GUCY2F: variants seen among roughly 807,000 people sequenced by gnomAD.
GUCY2F encodes retinal guanylyl cyclase 2.
GUCY2F carries 61 observed loss-of-function variants against 73.1 expected under a neutral mutation model. The ratio of observed to expected loss-of-function variants is 0.83; its 90% CI spans 0.68 to 1.03. The LOEUF (loss-of-function observed/expected upper bound fraction) is 1.03. GUCY2F is among the 50% of genes least tolerant of loss of function. The pLI is 0.00. For synonymous variants in GUCY2F, 331 were observed against 307.8 expected, an observed-to-expected ratio of 1.08 and a Z score of -0.79; for missense variants, 912 against 854.3, an observed-to-expected ratio of 1.07 and a Z score of -0.84.
chrX:109,464,722 G>A (rs769235556), intron 3 of GUCY2F, among the ~76,000 whole-genome samples: 3 of 112,557 alleles, frequency 2.7e-5, no homozygotes, highest in East Asian at 2.8e-4. Flanking sequence ...ACAGGTAGAA[G>A]CCGCATCCTC....
rs1930208824 is a variant in GUCY2F at position 109,377,579 on chromosome X, C to T, written c.3151-1412G>A. 2.7e-5 allele frequency among the ~76,000 whole-genome samples: 3 copies of T among 111,736 alleles called. No homozygotes were observed. The Admixed American group carries it at 2.8e-4, about 11-fold the overall frequency. ...TGTAGTGTCTTATACAGACAGTTGCCCAGTAAATAATCAGACTGTTTCATT... is the reference window on the plus strand; with the variant it reads ...TGTAGTGTCTTATACAGACAGTTGCTCAGTAAATAATCAGACTGTTTCATT... On this transcript the variant is annotated intron_variant, in intron 17 of 19. Coordinates refer to ENST00000218006, the MANE Select transcript of GUCY2F (RefSeq NM_001522.3).
rs1193294657 is a variant in GUCY2F, at chrX:109,398,620, C to T, written c.2204G>A (p.Ser735Asn). 2.5e-6 allele frequency: 3 copies of T among 1,205,485 alleles called. No homozygotes were observed. The highest frequency in any genetic ancestry group is 3.4e-6 in the Non-Finnish European group (3 of 891,219). The change falls in exon 11 of 20, where the codon AGC becomes AAC. Residue 735 changes from serine (S) to asparagine (N), a missense_variant. By Grantham distance (46) the Ser-to-Asn change is conservative (BLOSUM62 1). Transcript: ENST00000218006. Reference protein sequence around the residue: ...RLGSFAGDVYSFAIIMQEVMV... With the variant: ...RLGSFAGDVYNFAIIMQEVMV... ...CACTTCTTGCATGATGATGGCAAAG[C>T]TATAGACATCTCCTGCAAAAGAACC...
chrX:109,466,458 G>C (rs1193720325), intron 2 of GUCY2F, among the ~76,000 whole-genome samples: 1 of 111,660 alleles, frequency 9.0e-6, no homozygotes, highest in African/African-American at 3.3e-5. Flanking sequence ...ATGAAACTAT[G>C]TTGTTTGGCA....
chrX:109,429,887 G>T (rs1931571890), intron 8 of GUCY2F, among the ~76,000 whole-genome samples: 1 of 112,432 alleles, frequency 8.9e-6, no homozygotes, highest in African/African-American at 3.2e-5. Context: ...TTGGAATGGT[G>T]ATGGGATATT....
intron 16 of GUCY2F, among the ~76,000 whole-genome samples, chrX:109,384,097 T>C (rs911538059): frequency 2.7e-5 from 3 of 112,453 alleles, no homozygotes; most frequent in Middle Eastern, 4.2e-3. Flanking sequence ...CCATACTGCC[T>C]CCTTAATCAT....
intron 9 of GUCY2F, among the ~76,000 whole-genome samples, chrX:109,405,664 TAG>T (rs1428822381): frequency 1.8e-5 from 2 of 111,761 alleles, no homozygotes; most frequent in Non-Finnish European, 3.8e-5. Context: ...TACTTCTGAG[TAG>T]AGTCTACAGT....
At chrX:109,437,242 C>T (rs1413594524) in intron 7 of GUCY2F, among the ~76,000 whole-genome samples, 2 of 111,533 alleles carry the variant, frequency 1.8e-5, no homozygotes, top group Admixed American at 1.9e-4. Context: ...TTGACTTCAC[C>T]GTGTAGGTAT....
At chrX:109,412,871 T>C (rs959579981) in intron 8 of GUCY2F, among the ~76,000 whole-genome samples, 1 of 111,697 alleles carries the variant, frequency 9.0e-6, no homozygotes, top group African/African-American at 3.3e-5. Flanking sequence ...CCCACTTCTA[T>C]GGGTGAATGC....
chrX:109,424,151 CT>C (rs1211653675), intron 8 of GUCY2F, among the ~76,000 whole-genome samples: 1 of 111,831 alleles, frequency 8.9e-6, no homozygotes, highest in Admixed American at 9.5e-5. Flanking sequence ...GAACAACTTC[CT>C]TTAAAGCCAT....
At chrX:109,376,711 A>G (rs886449242) in intron 17 of GUCY2F, among the ~76,000 whole-genome samples, 1 of 111,674 alleles carries the variant, frequency 9.0e-6, no homozygotes. Flanking sequence ...GCCTCCATCT[A>G]TAGGTCAGTT....
chrX:109,413,148 C>T (rs1386731376), intron 8 of GUCY2F, among the ~76,000 whole-genome samples: 1 of 112,275 alleles, frequency 8.9e-6, no homozygotes, highest in Non-Finnish European at 1.9e-5. Flanking sequence ...AGGCATCCAT[C>T]CTCAGCTGTA....
chrX:109,379,521 A>C (rs1406289812), intron 17 of GUCY2F, among the ~76,000 whole-genome samples: 1 of 112,500 alleles, frequency 8.9e-6, no homozygotes, highest in Non-Finnish European at 1.9e-5. Context: ...GTTTACAATA[A>C]AAAATTACAA....
intron 8 of GUCY2F, among the ~76,000 whole-genome samples, chrX:109,423,995 G>A (rs981153942): frequency 1.7e-4 from 19 of 111,686 alleles, no homozygotes; most frequent in African/African-American, 5.9e-4. Context: ...TAATCCTCTA[G>A]CAATGCTGAT....
At chrX:109,384,526 A>G (rs781189874) in intron 16 of GUCY2F, among the ~76,000 whole-genome samples, 1 of 112,132 alleles carries the variant, frequency 8.9e-6, no homozygotes, top group African/African-American at 3.2e-5. Flanking sequence ...TGGTTTGTAC[A>G]GTTTTCTTTT....
At chrX:109,455,126 A>G (rs1932232148) in intron 3 of GUCY2F, among the ~76,000 whole-genome samples, 1 of 111,469 alleles carries the variant, frequency 9.0e-6, no homozygotes. Context: ...AGCAATGCCA[A>G]ACCGAACCCA....
intron 1 of GUCY2F, among the ~76,000 whole-genome samples, chrX:109,481,163 C>T (rs1932763868): frequency 9.1e-6 from 1 of 110,477 alleles, no homozygotes; most frequent in Admixed American, 9.6e-5. Context: ...TAAACCTCCA[C>T]CTGCTGATTT....
At chrX:109,481,084 AAG>A (rs1932762309) in intron 1 of GUCY2F, among the ~76,000 whole-genome samples, 1 of 67,995 alleles carries the variant, frequency 1.5e-5, no homozygotes, top group Non-Finnish European at 2.9e-5. Context: ...GGAAGGAAGG[AAG>A]GAAGGAAGGA....
intron 8 of GUCY2F, among the ~76,000 whole-genome samples, chrX:109,414,481 C>T (rs766880993): frequency 8.0e-5 from 9 of 112,016 alleles, no homozygotes; most frequent in Non-Finnish European, 1.5e-4. Context: ...CCTATATTTC[C>T]CACTAGCAAT....
chrX:109,470,701 C>T (rs192097052), intron 2 of GUCY2F, among the ~76,000 whole-genome samples: 2 of 111,122 alleles, frequency 1.8e-5, no homozygotes, highest in Non-Finnish European at 3.8e-5. Context: ...TCTTGGGCCC[C>T]ACACCAGCAT....
Sources: gnomAD v4.1 joint callset for allele counts (sites outside exome capture counted in the v4.1 genomes callset) on GRCh38, gnomAD v4.1.1 for gene constraint, MANE v1.5 for transcripts, NCBI Gene and HGNC (gene_info 2026-07-23, HGNC 2026-07-21) for gene names.